PALM2AKAP2: variants seen among roughly 807,000 people sequenced by gnomAD.
The protein encoded by PALM2AKAP2 is PALM2-AKAP2 fusion protein.
In PALM2AKAP2, 37 loss-of-function variants were observed where a neutral mutation model predicts 71.5. The ratio of observed to expected loss-of-function variants is 0.52; its 90% CI spans 0.40 to 0.68. The LOEUF is 0.68. PALM2AKAP2 is among the 30% of genes least tolerant of loss of function. The pLI is 0.00. For missense variants in PALM2AKAP2, 1,224 were observed against 1,191.8 expected (o/e 1.03, Z -0.40); for synonymous variants, 468 against 478.8 (o/e 0.98, Z 0.29).
chr9:109,770,322 A>G (rs1265336357), intron 1 of PALM2AKAP2, among the ~76,000 whole-genome samples: 1 of 152,170 alleles, frequency 6.6e-6, no homozygotes, highest in East Asian at 1.9e-4. Context: ...GAAGAATTCA[A>G]GGAATTCCTG....
chr9:109,730,817 A>T (rs886070011), intron 1 of PALM2AKAP2, among the ~76,000 whole-genome samples: 18 of 152,194 alleles, frequency 1.2e-4, no homozygotes, highest in African/African-American at 4.3e-4. Flanking sequence ...TGGGCACACC[A>T]GAGCATATTC....
chr9:109,735,679 C>T (rs944917780), intron 1 of PALM2AKAP2, among the ~76,000 whole-genome samples: 8 of 152,048 alleles, frequency 5.3e-5, no homozygotes, highest in African/African-American at 1.9e-4. Context: ...GCTTTATGTG[C>T]CCAGAGGAAA....
chr9:109,972,714 T>C lies in PALM2AKAP2; in HGVS notation c.496+40686T>C, dbSNP rs573839147. On this transcript the variant is annotated intron_variant, in intron 6 of 9. Transcript: ENST00000302798. ...CAGTCTGCAGGGAATGCCACAAAGATGCTAGCCTTTGCAAATTCTGGTGCA... is the reference window on the plus strand; with the variant it reads ...CAGTCTGCAGGGAATGCCACAAAGACGCTAGCCTTTGCAAATTCTGGTGCA... Among the ~76,000 whole-genome samples, 3 of 152,314 alleles carry C rather than the reference T, an allele frequency of 2.0e-5. No homozygotes were observed. In the South Asian group the frequency reaches 6.2e-4, roughly 32 times the overall value.
intron 1 of PALM2AKAP2, among the ~76,000 whole-genome samples, chr9:109,768,272 G>T (rs192440716): frequency 3.9e-5 from 6 of 152,054 alleles, no homozygotes; most frequent in Non-Finnish European, 8.8e-5. Context: ...TCCTTTTAAT[G>T]TTTGTTATCT....
upstream of PALM2AKAP2, among the ~76,000 whole-genome samples, chr9:110,043,714 GTGTTTTTTTTTTTTT>G (rs933882592): frequency 8.1e-5 from 8 of 98,410 alleles, no homozygotes; most frequent in African/African-American, 3.6e-4. Flanking sequence ...GTTTTTTTTG[GTGTTTTTTTTTTTTT>G]TTTTTTTTTG....
chr9:109,769,773 G>T (rs562334223), intron 1 of PALM2AKAP2, among the ~76,000 whole-genome samples: 14 of 152,254 alleles, frequency 9.2e-5, no homozygotes, highest in Admixed American at 2.6e-4. Context: ...AAATGAATTT[G>T]CAACTTGGGG....
At position 109,980,114 on chromosome 9, in the gene PALM2AKAP2, T is replaced by C. The variant is rs549389624; in HGVS notation, c.497-35840T>C. On this transcript the variant is annotated intron_variant, in intron 6 of 9. Transcript: ENST00000302798. ...CCCTCACTGTGCCCTGTGCCCATAG[T>C]AGGCCACTCCACCATCACTCTTCTT... is the stretch of plus-strand genomic sequence containing the variant. Among the ~76,000 whole-genome samples the C allele has an allele frequency of 9.0e-4, 137 of 152,280 alleles. 1 individual carries two copies. Among genetic ancestry groups the C allele is most frequent in the African/African-American group, 3.2e-3 (134 of 41,558 alleles).
chr9:109,992,140 T>G (rs997977837), intron 6 of PALM2AKAP2, among the ~76,000 whole-genome samples: 2 of 152,222 alleles, frequency 1.3e-5, no homozygotes, highest in Non-Finnish European at 2.9e-5. Flanking sequence ...CTATACTCTC[T>G]CTGAAGGTCT....
chr9:109,651,328 C>T (rs1277976629), intron 1 of PALM2AKAP2, among the ~76,000 whole-genome samples: 2 of 152,204 alleles, frequency 1.3e-5, no homozygotes, highest in Non-Finnish European at 2.9e-5. Context: ...AGCTACAGCT[C>T]TCTCCCACTG....
At chr9:110,137,619 C>T (rs1348827131) in exon 2 of PALM2AKAP2, 6 of 1,613,994 alleles carry the variant, frequency 3.7e-6, no homozygotes. Context: ...TTCTCAAGAT[C>T]TGTCAATGTC....
intron 1 of PALM2AKAP2, among the ~76,000 whole-genome samples, chr9:109,755,365 A>G (rs1378978172): frequency 6.6e-6 from 1 of 151,986 alleles, no homozygotes; most frequent in Non-Finnish European, 1.5e-5. Context: ...AGTGGCCTTC[A>G]GACTCTTTCT....
intron 2 of PALM2AKAP2, among the ~76,000 whole-genome samples, chr9:109,872,890 C>T (rs764169617): frequency 8.5e-5 from 13 of 152,144 alleles, no homozygotes; most frequent in Admixed American, 2.6e-4. Flanking sequence ...TGTAAAGTAA[C>T]CTTAGATCTC....
chr9:109,914,308 TTC>T (rs1830637622), intron 3 of PALM2AKAP2, among the ~76,000 whole-genome samples: 1 of 152,204 alleles, frequency 6.6e-6, no homozygotes, highest in Non-Finnish European at 1.5e-5. Flanking sequence ...CTAAAGAAGA[TTC>T]TAGGAGCTGA....
At chr9:109,647,830 T>C (rs1222838727) in intron 1 of PALM2AKAP2, among the ~76,000 whole-genome samples, 1 of 152,230 alleles carries the variant, frequency 6.6e-6, no homozygotes, top group Admixed American at 6.5e-5. Context: ...CAAGTGATTG[T>C]TTTACAGTTC....
At chr9:109,973,999 C>G (rs1325456056) in intron 6 of PALM2AKAP2, among the ~76,000 whole-genome samples, 1 of 152,206 alleles carries the variant, frequency 6.6e-6, no homozygotes, top group Non-Finnish European at 1.5e-5. Context: ...TCTTCCTACT[C>G]TCATGGAGTT....
intron 1 of PALM2AKAP2, among the ~76,000 whole-genome samples, chr9:109,657,402 T>G (rs1225261738): frequency 1.3e-5 from 2 of 151,932 alleles, no homozygotes; most frequent in Non-Finnish European, 2.9e-5. Context: ...ATCAGCCAGT[T>G]GTTTAGTGTG....
At chr9:109,790,156 C>G (rs1395927011) in intron 1 of PALM2AKAP2, among the ~76,000 whole-genome samples, 1 of 152,166 alleles carries the variant, frequency 6.6e-6, no homozygotes, top group African/African-American at 2.4e-5. Flanking sequence ...GGCCAGACGT[C>G]GGAACACATC....
intron 1 of PALM2AKAP2, among the ~76,000 whole-genome samples, chr9:109,841,092 C>T (rs1430074336): frequency 1.3e-5 from 2 of 152,066 alleles, no homozygotes; most frequent in Non-Finnish European, 1.5e-5. Context: ...ACACTATTCA[C>T]AATAGCAAAG....
intron 7 of PALM2AKAP2, among the ~76,000 whole-genome samples, chr9:110,035,844 T>TATATATGATATGTTGTGTGTTATATATA (rs1833397773): frequency 3.4e-5 from 5 of 147,164 alleles, no homozygotes; most frequent in African/African-American, 1.2e-4. Context: ...TTATATATAA[T>TATATATGATATGTTGTGTGTTATATATA]ATATATGATA....
Sources: gnomAD v4.1 joint callset for allele counts (sites outside exome capture counted in the v4.1 genomes callset) on GRCh38, gnomAD v4.1.1 for gene constraint, MANE v1.5 for transcripts, NCBI Gene and HGNC (gene_info 2026-07-23, HGNC 2026-07-21) for gene names.